Variants in EPB41 observed in about 807,000 individuals in gnomAD.
EPB41 encodes the protein protein 4.1.
A neutral mutation model predicts 108.0 loss-of-function variants in EPB41; 65 were observed. The ratio of observed to expected loss-of-function variants is 0.60; its 90% CI spans 0.49 to 0.74. The LOEUF is 0.74. Ranked by LOEUF, EPB41 falls within the 30% of genes least tolerant of loss-of-function variation. EPB41 has a pLI of 0.00. For missense variants in EPB41, 875 were observed against 1,037.0 expected (o/e 0.84, Z 2.15); for synonymous variants, 336 against 358.9 (o/e 0.94, Z 0.72).
intron 1 of EPB41, among the ~76,000 whole-genome samples, chr1:28,930,398 G>A (rs1385581072): frequency 6.6e-6 from 1 of 150,846 alleles, no homozygotes; most frequent in African/African-American, 2.4e-5. Context: ...GAACTCTTGG[G>A]CTCTAGACAT....
intron 16 of EPB41, among the ~76,000 whole-genome samples, chr1:29,075,246 G>C (rs562348444): frequency 6.6e-6 from 1 of 152,128 alleles, no homozygotes; most frequent in East Asian, 1.9e-4. Context: ...GGAAGGCCGA[G>C]GTGGGCAGAT....
chr1:28,912,176 A>G (rs1221297791), upstream of EPB41, among the ~76,000 whole-genome samples: 1 of 152,202 alleles, frequency 6.6e-6, no homozygotes, highest in Non-Finnish European at 1.5e-5. Context: ...ATATTTATTG[A>G]GCGTATACTG....
At chr1:28,921,139 G>A (rs574399864) in intron 1 of EPB41, among the ~76,000 whole-genome samples, 190 of 152,214 alleles carry the variant, frequency 1.2e-3, no homozygotes, top group African/African-American at 4.4e-3. Flanking sequence ...TATATTTTTG[G>A]TGATTTATGA....
chr1:29,111,470 CA>C (rs1292441508), intron 18 of EPB41, among the ~76,000 whole-genome samples: 1 of 151,488 alleles, frequency 6.6e-6, no homozygotes, highest in South Asian at 2.1e-4. Flanking sequence ...TCCTAGCTGA[CA>C]AAAAACCCCG....
At chr1:29,047,656 C>T (rs1643690789) in intron 11 of EPB41, among the ~76,000 whole-genome samples, 1 of 151,962 alleles carries the variant, frequency 6.6e-6, no homozygotes, top group Non-Finnish European at 1.5e-5. Flanking sequence ...TAGCAGGGTC[C>T]ACTTTTGCAT....
At chr1:29,097,310 A>G (rs573881917) in intron 16 of EPB41, 43 of 170,718 alleles carry the variant, frequency 2.5e-4, no homozygotes, top group Non-Finnish European at 4.7e-4. Context: ...TCTCTTCTCA[A>G]TAACTCCAAA....
At chr1:28,897,671 A>G in intron 1 of EPB41, among the ~76,000 whole-genome samples, 2 of 144,782 alleles carry the variant, frequency 1.4e-5, no homozygotes, top group Admixed American at 6.9e-5. Flanking sequence ...ACAGGAGGGA[A>G]GGGAAGAAAG....
At chr1:29,010,630 G>T (rs2096484224) in intron 4 of EPB41, among the ~76,000 whole-genome samples, 2 of 152,106 alleles carry the variant, frequency 1.3e-5, no homozygotes, top group African/African-American at 4.8e-5. Context: ...TTCTTTTCCA[G>T]TGCCCTTATT....
chr1:29,094,186 C>A (rs1450283790), intron 16 of EPB41, among the ~76,000 whole-genome samples: 1 of 152,098 alleles, frequency 6.6e-6, no homozygotes, highest in Non-Finnish European at 1.5e-5. Flanking sequence ...GGCCTTATTT[C>A]TAGGTTCTCT....
At chr1:29,084,332 A>G (rs946418740) in intron 16 of EPB41, among the ~76,000 whole-genome samples, 1 of 152,268 alleles carries the variant, frequency 6.6e-6, no homozygotes, top group Admixed American at 6.5e-5. Flanking sequence ...TTTGCATTTC[A>G]GCAAGCCACA....
chr1:28,989,784 T>G (rs1409494118), intron 2 of EPB41, among the ~76,000 whole-genome samples: 38 of 152,088 alleles, frequency 2.5e-4, no homozygotes, highest in Admixed American at 2.5e-3. Flanking sequence ...GATAATAATA[T>G]CCACCTCATT....
intron 1 of EPB41, among the ~76,000 whole-genome samples, chr1:28,977,140 A>G (rs1402730742): frequency 6.6e-6 from 1 of 152,180 alleles, no homozygotes; most frequent in Non-Finnish European, 1.5e-5. Context: ...GGTGTGAGCC[A>G]CTGTGCCCAG....
chr1:28,924,115 G>A (rs1478586903), intron 1 of EPB41, among the ~76,000 whole-genome samples: 3 of 152,212 alleles, frequency 2.0e-5, no homozygotes, highest in Admixed American at 6.5e-5. Context: ...GGTTAAAAAC[G>A]AGGTCTGTCA....
chr1:29,031,458 G>T (rs2096788610), intron 8 of EPB41, among the ~76,000 whole-genome samples: 2 of 152,128 alleles, frequency 1.3e-5, no homozygotes, highest in Non-Finnish European at 2.9e-5. Context: ...TCTAATTCAT[G>T]CCTGAATCTG....
intron 5 of EPB41, 138 bp downstream of exon 5, chr1:29,012,045 T>C (rs1406129372): frequency 2.3e-6 from 2 of 868,680 alleles, no homozygotes; most frequent in African/African-American, 3.4e-5. Flanking sequence ...TAAAGCCTTC[T>C]CCTGGAAGGA....
At chr1:29,067,749 A>T (rs1649055838) in intron 16 of EPB41, among the ~76,000 whole-genome samples, 1 of 152,148 alleles carries the variant, frequency 6.6e-6, no homozygotes, top group African/African-American at 2.4e-5. Flanking sequence ...CAGTTCTCCA[A>T]ACAGAGCTGA....
chr1:28,916,795 A>AT (rs758934262), intron 1 of EPB41, among the ~76,000 whole-genome samples: 1,740 of 144,968 alleles, frequency 0.012, 11 homozygotes, highest in Non-Finnish European at 0.019. Context: ...TCTCCCAACA[A>AT]TTTTTTTTTT....
At chr1:28,966,904 G>C (rs1000593100) in intron 1 of EPB41, among the ~76,000 whole-genome samples, 3 of 151,880 alleles carry the variant, frequency 2.0e-5, no homozygotes, top group African/African-American at 7.3e-5. Context: ...TTTCTGGTCA[G>C]TGGATGATCT....
intron 1 of EPB41, among the ~76,000 whole-genome samples, chr1:28,961,439 C>T (rs1171450950): frequency 6.6e-6 from 1 of 152,116 alleles, no homozygotes; most frequent in Non-Finnish European, 1.5e-5. Flanking sequence ...AAGTAGCACA[C>T]TAAAGCTTAA....
Sources: allele counts gnomAD v4.1 joint callset (sites outside exome capture counted in the v4.1 genomes callset), GRCh38; gene constraint gnomAD v4.1.1; transcripts MANE v1.5; gene names NCBI Gene and HGNC (gene_info 2026-07-23, HGNC 2026-07-21).